Variants in FTO observed in about 807,000 individuals in gnomAD.
FTO encodes FTO alpha-ketoglutarate dependent dioxygenase.
FTO carries 47 observed loss-of-function variants against 63.9 expected under a neutral mutation model. The ratio of observed to expected loss-of-function variants is 0.74; its 90% CI spans 0.58 to 0.94. The LOEUF is 0.94. Ranked by LOEUF, FTO falls within the 40% of genes least tolerant of loss-of-function variation. The pLI, the probability that FTO is intolerant of heterozygous loss-of-function variation, is 0.00. For missense variants in FTO, 562 were observed against 618.1 expected (o/e 0.91, Z 0.96); for synonymous variants, 207 against 224.4 (o/e 0.92, Z 0.69).
intron 1 of FTO, among the ~76,000 whole-genome samples, chr16:53,807,241 C>T (rs2078397411): frequency 6.6e-6 from 1 of 152,192 alleles, no homozygotes; most frequent in South Asian, 2.1e-4. Context: ...TCCCCATTCT[C>T]TGCTGTCATG....
At chr16:53,737,860 A>T (rs1381938212) in intron 1 of FTO, among the ~76,000 whole-genome samples, 1 of 152,190 alleles carries the variant, frequency 6.6e-6, no homozygotes, top group East Asian at 1.9e-4. Context: ...ATATAAATGG[A>T]ATCATACCGT....
intron 8 of FTO, among the ~76,000 whole-genome samples, chr16:54,031,055 T>A (rs1427328287): frequency 1.3e-5 from 2 of 152,218 alleles, no homozygotes; most frequent in African/African-American, 4.8e-5. Context: ...TATCACTGAA[T>A]TGAAAGTGTA....
At chr16:53,789,566 A>G (rs1027382713) in intron 1 of FTO, among the ~76,000 whole-genome samples, 4 of 152,180 alleles carry the variant, frequency 2.6e-5, no homozygotes, top group Non-Finnish European at 5.9e-5. Flanking sequence ...GGAGAACAAT[A>G]TGTAGCCTCA....
chr16:54,054,508 T>C (rs1425846258), intron 8 of FTO: 1 of 152,194 alleles, frequency 6.6e-6, no homozygotes, highest in African/African-American at 2.4e-5. Context: ...AAATCTTTGT[T>C]ACTGCCATGA....
chr16:53,850,565 T>C (rs1022437055), intron 4 of FTO, among the ~76,000 whole-genome samples: 2 of 152,178 alleles, frequency 1.3e-5, no homozygotes, highest in Non-Finnish European at 2.9e-5. Context: ...CCTCTTACAC[T>C]TTTTTGTTAC....
Position 54,113,144 on chromosome 16 carries a change from T to C in FTO, c.*1229T>C, listed in dbSNP as rs1358031165. 1 of 152,256 alleles carries C rather than the reference T, an allele frequency of 6.6e-6. No individual in the cohort carries two copies. The highest frequency in any genetic ancestry group is 1.9e-4 in the East Asian group (1 of 5,198). The allele number at this position is 152,256 out of a possible 1,614,324, so 9.4% of individuals were successfully genotyped here. A position where few individuals can be genotyped will look rare whatever the true frequency, so the allele number is the denominator to read the frequency against. ...CAGGAAATTCTGGTACTGTTATGTG[T>C]GGGTGAGCTGACCTGGATGTAGATG... On this transcript the variant is annotated 3_prime_UTR_variant, in exon 9 of 9. Transcript: ENST00000471389.
chr16:53,997,208 G>A (rs1259910980), intron 8 of FTO, among the ~76,000 whole-genome samples: 1 of 138,624 alleles, frequency 7.2e-6, no homozygotes, highest in African/African-American at 2.5e-5. Context: ...AAAGAAAGAA[G>A]GAAGGAAGGA....
At chr16:53,962,551 G>A (rs183471992) in intron 8 of FTO, among the ~76,000 whole-genome samples, 291 of 152,266 alleles carry the variant, frequency 1.9e-3, no homozygotes, top group Non-Finnish European at 3.5e-3. Flanking sequence ...TTGTTATTAT[G>A]TTTCATCATT....
At chr16:53,985,297 C>A (rs1599145380) in intron 8 of FTO, among the ~76,000 whole-genome samples, 1 of 152,164 alleles carries the variant, frequency 6.6e-6, no homozygotes, top group Non-Finnish European at 1.5e-5. Flanking sequence ...TCTGAAGAGA[C>A]CGATTCAAAG....
intron 8 of FTO, among the ~76,000 whole-genome samples, chr16:53,947,645 C>T (rs553365239): frequency 6.6e-6 from 1 of 152,282 alleles, no homozygotes; most frequent in South Asian, 2.1e-4. Flanking sequence ...AAATTGCCTA[C>T]TAAATAAATT....
At chr16:54,087,418 T>C (rs2086275537) in intron 8 of FTO, among the ~76,000 whole-genome samples, 1 of 152,118 alleles carries the variant, frequency 6.6e-6, no homozygotes, top group African/African-American at 2.4e-5. Context: ...GAAGGTGAGA[T>C]AGACAATCAA....
At chr16:53,705,920 T>C (rs1598454348) in intron 1 of FTO, among the ~76,000 whole-genome samples, 1 of 152,358 alleles carries the variant, frequency 6.6e-6, no homozygotes, top group East Asian at 1.9e-4. Flanking sequence ...TCTTACTCTA[T>C]TGAAACCATA....
intron 7 of FTO, among the ~76,000 whole-genome samples, chr16:53,895,295 A>G (rs1425278491): frequency 6.6e-6 from 1 of 152,112 alleles, no homozygotes; most frequent in African/African-American, 2.4e-5. Context: ...ATTTTACAAG[A>G]AAGTGTTGTG....
intron 1 of FTO, among the ~76,000 whole-genome samples, chr16:53,721,594 G>A (rs2076042780): frequency 6.6e-6 from 1 of 152,040 alleles, no homozygotes; most frequent in African/African-American, 2.4e-5. Context: ...TATCAAGTAA[G>A]TCTCTTTTAC....
At chr16:53,834,583 A>G (rs1451197147) in intron 3 of FTO, among the ~76,000 whole-genome samples, 2 of 152,206 alleles carry the variant, frequency 1.3e-5, no homozygotes, top group Admixed American at 6.5e-5. Flanking sequence ...TGCCAAGAAC[A>G]TAACAGCAGT....
At chr16:54,059,867 G>A (rs1018367072) in intron 8 of FTO, among the ~76,000 whole-genome samples, 4 of 151,806 alleles carry the variant, frequency 2.6e-5, no homozygotes, top group Non-Finnish European at 5.9e-5. Context: ...TGGACATGGC[G>A]TTTTGGACAT....
At chr16:53,825,246 A>G (rs7195539) in intron 2 of FTO, among the ~76,000 whole-genome samples, 11,099 of 152,182 alleles carry the variant, frequency 0.073, 642 homozygotes, top group African/African-American at 0.15. Context: ...AGCAGAAACC[A>G]GTTTGTCATT....
intron 1 of FTO, among the ~76,000 whole-genome samples, chr16:53,799,098 T>A (rs919285027): frequency 1.3e-5 from 2 of 152,166 alleles, no homozygotes; most frequent in Non-Finnish European, 2.9e-5. Context: ...ATATTGTCCT[T>A]TTTATGTGTT....
At position 53,757,943 on chromosome 16, in the gene FTO, G is replaced by T. The variant is rs942339990; in HGVS notation, c.46-52197G>T. On this transcript the variant is annotated intron_variant, in intron 1 of 8. Transcript: ENST00000471389. The stretch of plus-strand genomic sequence containing the variant: ...CCAGTCTGTTGTTGCAGAGTGCTGG[G>T]TGTATTTTGCTTTAGCTGACTGTTC... 2.0e-5 allele frequency among the ~76,000 whole-genome samples: 3 copies of T among 152,162 alleles called. No homozygotes were observed. In the East Asian group the frequency reaches 5.8e-4, roughly 29 times the overall value.
Sources: allele counts gnomAD v4.1 joint callset (sites outside exome capture counted in the v4.1 genomes callset), GRCh38; gene constraint gnomAD v4.1.1; transcripts MANE v1.5; gene names NCBI Gene and HGNC (gene_info 2026-07-23, HGNC 2026-07-21).